COL4A4: variants seen among roughly 807,000 people sequenced by gnomAD.
COL4A4 encodes collagen type IV alpha 4 chain.
In COL4A4, 105 loss-of-function variants were observed where a neutral mutation model predicts 192.9. The ratio of observed to expected loss-of-function variants is 0.54; its 90% CI spans 0.46 to 0.64. COL4A4 has a LOEUF of 0.64. COL4A4 is among the 30% of genes least tolerant of loss of function. The probability of loss-of-function intolerance (pLI) is 0.00; values close to 1 mark genes in which losing one functional copy is unlikely to be tolerated. For synonymous variants in COL4A4, 762 were observed against 769.9 expected (o/e 0.99, Z 0.17); for missense variants, 1,967 against 2,169.3 (o/e 0.91, Z 1.85).
At chr2:227,057,334 A>C in intron 29 of COL4A4, 105 bp downstream of exon 29, 2 of 1,337,812 alleles carry the variant, frequency 1.5e-6, no homozygotes. Flanking sequence ...TTTGTCTCTG[A>C]CTCAGGACTC....
chr2:227,041,864 A>AAG (rs1559478720), intron 37 of COL4A4, among the ~76,000 whole-genome samples: 3 of 109,348 alleles, frequency 2.7e-5, no homozygotes, highest in Non-Finnish European at 5.8e-5. Flanking sequence ...GAAAGAAAGA[A>AAG]AGAAAGAAAG....
intron 7 of COL4A4, among the ~76,000 whole-genome samples, chr2:227,117,901 A>G (rs1286140822): frequency 6.6e-6 from 1 of 152,162 alleles, no homozygotes; most frequent in Non-Finnish European, 1.5e-5. Flanking sequence ...TTTTTGCATT[A>G]CAGGGGCTAG....
chr2:227,077,640 T>C (rs967349617), intron 25 of COL4A4, among the ~76,000 whole-genome samples: 3 of 151,046 alleles, frequency 2.0e-5, no homozygotes, highest in Non-Finnish European at 4.4e-5. Flanking sequence ...TCTACATATG[T>C]ATCCCAGAAC....
At position 227,047,469 on chromosome 2, in the gene COL4A4, C is replaced by T. The variant is rs757228392; in HGVS notation, c.3289+6G>A. 6.2e-7 allele frequency: 1 copy of T among 1,609,592 alleles called. No homozygotes were observed. Among genetic ancestry groups the T allele is most frequent in the Admixed American group, 1.7e-5 (1 of 59,976 alleles). On this transcript the variant is annotated splice_donor_region_variant and intron_variant, in intron 35 of 47. Coordinates refer to ENST00000396625, the MANE Select transcript of COL4A4 (RefSeq NM_000092.5). ...TTGTTTTAGTAAGAAAAATATGCAG[C>T]TATACCTGGACATCCAGGGCTACCT...
chr2:226,998,696 A>T (rs1251472251), downstream of COL4A4: 1 of 152,146 alleles, frequency 6.6e-6, no homozygotes, highest in Non-Finnish European at 1.5e-5. Flanking sequence ...TCCTCACTCA[A>T]TTCTACATAA....
At position 227,012,259 on chromosome 2, in the gene COL4A4, C is replaced by T; in HGVS notation, c.4255G>A (p.Val1419Met). Residue 1419 changes from valine (V) to methionine (M), a missense_variant, in exon 45 of 48, where the codon GTG becomes ATG. Transcript: ENST00000396625. ...CCAGGAGACCCAGGGACGCCATCCA[C>T]ACCCCTCCTGCCATCCAGCCCAGGC... ...GEPGLDGRRG[V>M]DGVPGSPGPP... 6.2e-7 allele frequency: 1 copy of T among 1,614,160 alleles called. No homozygotes were observed. Among genetic ancestry groups the T allele is most frequent in the Non-Finnish European group, 8.5e-7 (1 of 1,180,014 alleles).
rs1962396835 is a variant in COL4A4, at chr2:227,007,457, C to T, written c.4941G>A (p.Lys1647=). Residue 1647 remains lysine (K), a synonymous_variant, in exon 48 of 48, where the codon AAG becomes AAA. Coordinates refer to ENST00000396625, the MANE Select transcript of COL4A4 (RefSeq NM_000092.5). Reference sequence around the variant, plus strand: ...TCACCGTTGTGAGCCAGAAGCTATACTTATTTGCGAAAAAGTGGCAAGTTC... The same window carrying T: ...TCACCGTTGTGAGCCAGAAGCTATATTTATTTGCGAAAAAGTGGCAAGTTC... ...RQGTCHFFAN[K]YSFWLTTVKA... 1.2e-6 allele frequency: 2 copies of T among 1,614,094 alleles called. No homozygotes were observed. Among genetic ancestry groups the T allele is most frequent in the Non-Finnish European group, 1.7e-6 (2 of 1,180,050 alleles).
intron 41 of COL4A4, among the ~76,000 whole-genome samples, chr2:227,030,155 T>C (rs1379521071): frequency 6.6e-6 from 1 of 151,998 alleles, no homozygotes; most frequent in African/African-American, 2.4e-5. Flanking sequence ...AAAATGTGTC[T>C]ACTATATTTT....
rs2061010522 is a variant in COL4A4 at position 227,108,855 on chromosome 2, TGG to T, written c.669_670del (p.Gln224ThrfsTer23). ...TACCTTCAAACCTGGACGCCCTGGTTGGCCCGGAGGTCCCTAAATCAAGGGAG... is the reference window on the plus strand; with the variant it reads ...TACCTTCAAACCTGGACGCCCTGGTTCCCGGAGGTCCCTAAATCAAGGGAG... On this transcript the variant is annotated frameshift_variant, in exon 11 of 48. Transcript: ENST00000396625. LOFTEE classifies it high-confidence loss of function. 1.9e-6 allele frequency: 3 copies of T among 1,611,942 alleles called. No individual in the cohort carries two copies. Among genetic ancestry groups the T allele is most frequent in the Non-Finnish European group, 1.7e-6 (2 of 1,178,800 alleles).
intron 4 of COL4A4, among the ~76,000 whole-genome samples, chr2:227,129,554 G>A (rs1214617493): frequency 4.6e-5 from 7 of 151,882 alleles, no homozygotes; most frequent in South Asian, 4.2e-4. Flanking sequence ...GATTACAGGC[G>A]GCCACCACCA....
the COL4A4 span, among the ~76,000 whole-genome samples, chr2:226,984,404 G>A: frequency 6.6e-6 from 1 of 152,198 alleles, no homozygotes; most frequent in South Asian, 2.1e-4. Context: ...CACATTGGCA[G>A]AGAGTGCAAG....
the COL4A4 span, chr2:226,988,207 A>G: frequency 4.8e-6 from 4 of 834,374 alleles, no homozygotes; most frequent in Non-Finnish European, 7.3e-6. Flanking sequence ...AACTTACCCA[A>G]AGACAGTCTC....
At chr2:227,000,813 A>C (rs1960747267), downstream of COL4A4, among the ~76,000 whole-genome samples, 1 of 151,672 alleles carries the variant, frequency 6.6e-6, no homozygotes, top group South Asian at 2.1e-4. Flanking sequence ...ATCATGGGGG[A>C]ACGTCTTTCC....
intron 25 of COL4A4, among the ~76,000 whole-genome samples, chr2:227,063,494 A>T (rs1164406520): frequency 6.6e-6 from 1 of 152,148 alleles, no homozygotes; most frequent in Non-Finnish European, 1.5e-5. Context: ...TTATCAAAAC[A>T]AGAACAAAGG....
At chr2:227,022,293 T>A in intron 43 of COL4A4, 120 bp from the exon 44 acceptor site, 1 of 1,215,238 alleles carries the variant, frequency 8.2e-7, no homozygotes, top group Non-Finnish European at 1.2e-6. Context: ...AAATTCAGTA[T>A]AAAATTCAGT....
At chr2:227,011,370 T>C (rs1963657922) in intron 45 of COL4A4, among the ~76,000 whole-genome samples, 1 of 152,190 alleles carries the variant, frequency 6.6e-6, no homozygotes, top group African/African-American at 2.4e-5. Flanking sequence ...CCTGTAAGGA[T>C]TTTACAAGTT....
intron 44 of COL4A4, among the ~76,000 whole-genome samples, chr2:227,014,415 T>C (rs1030859936): frequency 2.6e-5 from 4 of 152,228 alleles, no homozygotes; most frequent in Non-Finnish European, 5.9e-5. Context: ...TTTAAAACTC[T>C]TTCCGGTGAT....
chr2:226,998,624 ACT>A (rs1420661425), downstream of COL4A4: 4 of 151,722 alleles, frequency 2.6e-5, no homozygotes, highest in Non-Finnish European at 2.9e-5. Flanking sequence ...AGAATCACAG[ACT>A]CTCAGCTTAG....
At chr2:227,024,690 T>TA in intron 43 of COL4A4, among the ~76,000 whole-genome samples, 1 of 152,248 alleles carries the variant, frequency 6.6e-6, no homozygotes, top group African/African-American at 2.4e-5. Context: ...TCTTATGAGC[T>TA]ATTTGGAATT....
Sources: allele counts gnomAD v4.1 joint callset (sites outside exome capture counted in the v4.1 genomes callset), GRCh38; gene constraint gnomAD v4.1.1; transcripts MANE v1.5; gene names NCBI Gene and HGNC (gene_info 2026-07-23, HGNC 2026-07-21).